The following TFEC variants were observed in gnomAD, a reference collection of about 807,000 sequenced individuals.
The protein encoded by TFEC is class E basic helix-loop-helix protein 34.
A neutral mutation model predicts 41.6 loss-of-function variants in TFEC; 31 were observed. That is an observed-to-expected ratio of 0.74 (90% CI 0.56 to 1.01). The LOEUF (loss-of-function observed/expected upper bound fraction) is 1.01, where lower values mean the gene tolerates loss of function less well. TFEC is among the 50% of genes least tolerant of loss of function. The pLI is 0.00. For synonymous variants in TFEC, 143 were observed against 140.6 expected, an observed-to-expected ratio of 1.02 and a Z score of -0.12; for missense variants, 402 against 404.1, an observed-to-expected ratio of 0.99 and a Z score of 0.04.
chr7:116,153,278 C>CAA (rs1400142964), intron 1 of TFEC, among the ~76,000 whole-genome samples: 2 of 152,026 alleles, frequency 1.3e-5, no homozygotes, highest in African/African-American at 4.8e-5. Flanking sequence ...TTTTTTGAGA[C>CAA]AGAGTCTCGT....
chr7:115,958,085 C>T (rs1319586944), intron 3 of TFEC, among the ~76,000 whole-genome samples: 2 of 151,656 alleles, frequency 1.3e-5, no homozygotes, highest in Admixed American at 6.6e-5. Context: ...GGACTCTTCA[C>T]GTTTACTTTA....
At chr7:115,969,003 C>A (rs1793006215) in intron 3 of TFEC, among the ~76,000 whole-genome samples, 1 of 151,684 alleles carries the variant, frequency 6.6e-6, no homozygotes, top group Admixed American at 6.6e-5. Context: ...TGCATGGTAG[C>A]TATTATTATT....
intron 3 of TFEC, among the ~76,000 whole-genome samples, chr7:116,069,094 G>A (rs1796764127): frequency 6.6e-6 from 1 of 151,598 alleles, no homozygotes; most frequent in Non-Finnish European, 1.5e-5. Context: ...TATATAGAAA[G>A]AGTGATAATT....
intron 1 of TFEC, among the ~76,000 whole-genome samples, chr7:116,113,548 C>A (rs1797904265): frequency 6.6e-6 from 1 of 151,822 alleles, no homozygotes; most frequent in South Asian, 2.1e-4. Flanking sequence ...TTATGATAGC[C>A]CTAGGAAATG....
chr7:115,982,391 T>A (rs542994592), intron 2 of TFEC, among the ~76,000 whole-genome samples: 8 of 152,290 alleles, frequency 5.3e-5, no homozygotes, highest in Non-Finnish European at 1.2e-4. Flanking sequence ...ATCCAAAGAC[T>A]ATACACTTTC....
At chr7:116,132,261 T>C (rs943060330) in intron 1 of TFEC, among the ~76,000 whole-genome samples, 1 of 152,196 alleles carries the variant, frequency 6.6e-6, no homozygotes, top group African/African-American at 2.4e-5. Flanking sequence ...ATAAACCATA[T>C]CCTTTAGTGT....
At chr7:115,987,892 A>G (rs1793929011) in intron 1 of TFEC, among the ~76,000 whole-genome samples, 1 of 152,136 alleles carries the variant, frequency 6.6e-6, no homozygotes, top group Non-Finnish European at 1.5e-5. Flanking sequence ...ATATCAAAGT[A>G]TTTGCTAGGA....
rs187078007 is a variant in TFEC, at chr7:116,088,837, C to G, written c.198+21871G>C. ...CAGAGCACACACATACACATAAACACACACACACATATATACACAGATGTG... is the reference window on the plus strand; with the variant it reads ...CAGAGCACACACATACACATAAACAGACACACACATATATACACAGATGTG... On this transcript the variant is annotated intron_variant, in intron 3 of 8. Transcript: ENST00000484212. Among the ~76,000 whole-genome samples the G allele has an allele frequency of 3.8e-4, 58 of 152,056 alleles. No homozygotes were observed. The East Asian group carries it at 8.7e-3, about 23-fold the overall frequency.
At chr7:116,068,201 G>T (rs1193041297) in intron 3 of TFEC, among the ~76,000 whole-genome samples, 1 of 151,680 alleles carries the variant, frequency 6.6e-6, no homozygotes, top group Non-Finnish European at 1.5e-5. Flanking sequence ...TTTTTGTCGG[G>T]GGTTGGGAGA....
intron 1 of TFEC, among the ~76,000 whole-genome samples, chr7:116,025,416 A>G (rs1795549887): frequency 6.6e-6 from 1 of 152,124 alleles, no homozygotes; most frequent in Admixed American, 6.6e-5. Context: ...CCAATCTTAG[A>G]GCTCCTAAAT....
At chr7:115,979,206 C>G (rs1247389542) in intron 2 of TFEC, among the ~76,000 whole-genome samples, 2 of 152,102 alleles carry the variant, frequency 1.3e-5, no homozygotes, top group African/African-American at 4.8e-5. Context: ...GATTATGTTA[C>G]CCTAGGTCCC....
intron 1 of TFEC, among the ~76,000 whole-genome samples, chr7:116,121,113 C>A (rs115798671): frequency 6.6e-6 from 1 of 151,822 alleles, no homozygotes; most frequent in East Asian, 1.9e-4. Flanking sequence ...ATAGCAGGAT[C>A]ATTCATAAGA....
chr7:116,073,776 C>CA (rs1294443033), intron 3 of TFEC, among the ~76,000 whole-genome samples: 1 of 151,872 alleles, frequency 6.6e-6, no homozygotes, highest in Admixed American at 6.6e-5. Context: ...CAATTTGGAA[C>CA]TGGTCAAGAA....
In TFEC at chr7:116,070,530, G is replaced by T. The variant is rs1263284003; in HGVS notation, c.198+40178C>A. On this transcript the variant is annotated intron_variant, in intron 3 of 8. Transcript: ENST00000484212. ...AATCTAATATTAGACTTCCAGAAAT[G>T]AGTATCATTGGGTCATGAGATAAAC... is the stretch of plus-strand genomic sequence containing the variant. Among the ~76,000 whole-genome samples the T allele has an allele frequency of 2.0e-5, 3 of 151,392 alleles. 1 individual carries two copies. The highest frequency in any genetic ancestry group is 2.0e-4 in the Admixed American group (3 of 15,148).
intron 2 of TFEC, among the ~76,000 whole-genome samples, chr7:115,981,298 G>A (rs2130654215): frequency 6.6e-6 from 1 of 152,158 alleles, no homozygotes; most frequent in African/African-American, 2.4e-5. Context: ...CCCAACTCAA[G>A]TATTACCACT....
chr7:115,963,447 A>C (rs1179610018), intron 3 of TFEC, among the ~76,000 whole-genome samples: 2 of 151,774 alleles, frequency 1.3e-5, no homozygotes, highest in African/African-American at 4.8e-5. Context: ...ATGTATCCAA[A>C]AGAATTGAAA....
intron 1 of TFEC, among the ~76,000 whole-genome samples, chr7:115,995,856 C>T (rs1794344385): frequency 6.6e-6 from 1 of 152,192 alleles, no homozygotes; most frequent in Non-Finnish European, 1.5e-5. Flanking sequence ...TAGGGCAGAA[C>T]ACAGCTGGCA....
intron 1 of TFEC, among the ~76,000 whole-genome samples, chr7:116,022,568 G>T (rs188113438): frequency 9.2e-5 from 14 of 152,218 alleles, no homozygotes; most frequent in Non-Finnish European, 1.6e-4. Context: ...TGATTACTAA[G>T]TGATTAAATG....
chr7:116,022,846 T>C (rs1311085290), intron 1 of TFEC, among the ~76,000 whole-genome samples: 1 of 152,178 alleles, frequency 6.6e-6, no homozygotes, highest in Non-Finnish European at 1.5e-5. Context: ...GGCATTGAAC[T>C]ATACGTTTTA....
Sources: gnomAD v4.1 joint callset for allele counts (sites outside exome capture counted in the v4.1 genomes callset) on GRCh38, gnomAD v4.1.1 for gene constraint, MANE v1.5 for transcripts, NCBI Gene and HGNC (gene_info 2026-07-23, HGNC 2026-07-21) for gene names.